Variants in ACP5 observed in about 807,000 individuals in gnomAD.
ACP5 encodes the protein acid phosphatase 5, tartrate resistant, also known as tartrate-resistant acid phosphatase type 5.
ACP5 carries 24 observed loss-of-function variants against 28.7 expected under a neutral mutation model. The ratio of observed to expected loss-of-function variants is 0.84; its 90% CI spans 0.61 to 1.18. The LOEUF is 1.18. ACP5 is among the 50% of genes most tolerant of loss of function. The pLI, the probability that ACP5 is intolerant of heterozygous loss-of-function variation, is 0.00. For synonymous variants in ACP5, 154 were observed against 181.4 expected (o/e 0.85, Z 1.21); for missense variants, 354 against 422.2 (o/e 0.84, Z 1.42).
intron 4 of ACP5, among the ~76,000 whole-genome samples, chr19:11,576,006 C>CAAAAAAAAAAAAAAAAAAAAAAAAAAA (rs3035420): frequency 1.9e-4 from 10 of 52,868 alleles, no homozygotes; most frequent in South Asian, 7.7e-4. Flanking sequence ...ACCTTGTCTC[C>CAAAAAAAAAAAAAAAAAAAAAAAAAAA]AAAAAAAAAA....
chr19:11,576,807 G>A lies in ACP5; in HGVS notation c.298C>T (p.Arg100Cys), dbSNP rs1325584323. The A allele has an allele frequency of 5.6e-6, 9 of 1,613,990 alleles. No homozygotes were observed. Among genetic ancestry groups the A allele is most frequent in the Middle Eastern group, 3.3e-4 (2 of 6,084 alleles). Reference sequence around the variant, plus strand: ...GCTAGCACGTACCAGGGCACTTTGCGAAGGGAGCGGTCAGAGAATACGTCC... The same window carrying A: ...GCTAGCACGTACCAGGGCACTTTGCAAAGGGAGCGGTCAGAGAATACGTCC... ...FEDVFSDRSL[R>C]KVPWYVLAGN... Residue 100 changes from arginine to cysteine, a missense_variant, in exon 3 of 5, where the codon CGC (arginine) becomes TGC (cysteine). Coordinates refer to ENST00000648477, the MANE Select transcript of ACP5 (RefSeq NM_001611.5).
chr19:11,576,377 G>C lies in ACP5; in HGVS notation c.601C>G (p.Leu201Val). ...QLAAAREDYV[L>V]VAGHYPVWSI... is the part of the protein sequence containing the mutation. Reference sequence around the variant, plus strand: ...CACACGGGGTAGTGGCCAGCCACCAGCACGTAGTCCTCCCTGGCCGCCGCC... The same window carrying C: ...CACACGGGGTAGTGGCCAGCCACCACCACGTAGTCCTCCCTGGCCGCCGCC... Residue 201 changes from leucine (L) to valine (V), a missense_variant, in exon 4 of 5, where the codon CTG becomes GTG. Leu to Val is a conservative substitution (Grantham distance 32). Transcript: ENST00000648477. 6.2e-7 allele frequency: 1 copy of C among 1,610,788 alleles called. No homozygotes were observed. Among genetic ancestry groups the C allele is most frequent in the Non-Finnish European group, 8.5e-7 (1 of 1,178,216 alleles).
rs535962234 is a variant in ACP5 at position 11,576,389 on chromosome 19, C to T, written c.589G>A (p.Glu197Lys). 4 of 1,611,632 alleles carry T rather than the reference C, an allele frequency of 2.5e-6. No homozygotes were observed. The South Asian group carries it at 3.3e-5, about 13-fold the overall frequency. Reference sequence around the variant, plus strand: ...TGGCCAGCCACCAGCACGTAGTCCTCCCTGGCCGCCGCCAGCTGTTTCTTG... The same window carrying T: ...TGGCCAGCCACCAGCACGTAGTCCTTCCTGGCCGCCGCCAGCTGTTTCTTG... The part of the protein sequence containing the change: ...WLKKQLAAAR[E>K]DYVLVAGHYP... The change falls in exon 4 of 5, where the codon GAG becomes AAG. Residue 197 changes from glutamate (E) to lysine (K), a missense_variant. Glu to Lys is a moderately conservative substitution (Grantham distance 56, BLOSUM62 1). Coordinates refer to ENST00000648477, the MANE Select transcript of ACP5 (RefSeq NM_001611.5).
chr19:11,578,496 C>T (rs1355392766), upstream of ACP5: 2 of 152,344 alleles, frequency 1.3e-5, no homozygotes, highest in African/African-American at 2.4e-5. Context: ...CCCTCATAGT[C>T]TCAGCAGCTG....
chr19:11,576,281 C>G lies in ACP5; in HGVS notation c.697G>C (p.Val233Leu). 6.2e-7 allele frequency: 1 copy of G among 1,610,078 alleles called. No homozygotes were observed. Among genetic ancestry groups the G allele is most frequent in the Non-Finnish European group, 8.5e-7 (1 of 1,179,978 alleles). ...QLRPLLATYG[V>L]TAYLCGHDHN... Reference sequence around the variant, plus strand: ...TCGTGGCCGCACAGGTAGGCAGTGACCCCGTATGTGGCCAGCAGTGGCCGT... The same window carrying G: ...TCGTGGCCGCACAGGTAGGCAGTGAGCCCGTATGTGGCCAGCAGTGGCCGT... The change falls in exon 4 of 5, where the codon GTC becomes CTC. Residue 233 changes from valine to leucine, a missense_variant. By Grantham distance (32) the Val-to-Leu change is conservative. Transcript: ENST00000648477.
rs1331191684 is a variant in ACP5, at chr19:11,576,227, C to T, written c.735+16G>A. The T allele has an allele frequency of 1.2e-6, 2 of 1,600,826 alleles. No homozygotes were observed. The highest frequency in any genetic ancestry group is 8.5e-7 in the Non-Finnish European group (1 of 1,179,072). On this transcript the variant is annotated intron_variant, in intron 4 of 4. Coordinates refer to ENST00000648477, the MANE Select transcript of ACP5 (RefSeq NM_001611.5). The stretch of plus-strand genomic sequence containing the variant: ...CCCCCCTCACCCAGCTCCCACCCCA[C>T]CCACAGGGCCCTCACCTGCAGATTG...
In ACP5 at chr19:11,576,452, G is replaced by A. The variant is rs1025967277; in HGVS notation, c.526C>T (p.Arg176Ter). ...DFLSQQPERP[R>*]DVKLARTQLS... ...TGTGTGCGGGCCAGCTTCACGTCTC[G>A]GGGCCTCTCAGGCTGCTGGCTGAGG... The change falls in exon 4 of 5, where the codon CGA becomes TGA. Residue 176 changes from arginine (R) to a stop codon, truncating the protein, a stop_gained. Coordinates refer to ENST00000648477, the MANE Select transcript of ACP5 (RefSeq NM_001611.5). LOFTEE classifies it high-confidence loss of function. The A allele has an allele frequency of 4.3e-6, 7 of 1,614,002 alleles. No individual in the cohort carries two copies. The Admixed American group carries it at 8.3e-5, about 19-fold the overall frequency.
chr19:11,575,998 C>T (rs992404611), intron 4 of ACP5, among the ~76,000 whole-genome samples: 9 of 65,784 alleles, frequency 1.4e-4, no homozygotes, highest in Non-Finnish European at 2.5e-4. Context: ...ACAATGAAAC[C>T]TTGTCTCCAA....
chr19:11,576,566 G>A lies in ACP5; in HGVS notation c.412C>T (p.Arg138Cys), dbSNP rs774823139. The A allele has an allele frequency of 2.5e-5, 41 of 1,613,588 alleles. No homozygotes were observed. The Admixed American group carries it at 5.2e-4, about 20-fold the overall frequency. The change falls in exon 4 of 5, where the codon CGC becomes TGC. Residue 138 changes from arginine to cysteine, a missense_variant. By Grantham distance (180) the Arg-to-Cys change is radical (BLOSUM62 -3). Coordinates refer to ENST00000648477, the MANE Select transcript of ACP5 (RefSeq NM_001611.5). Reference sequence around the variant, plus strand: ...GTCTGTGGGATCTTGAAGTGCAGGCGGTAGAAAGGGCTGGGGAAGTTCCTG... The same window carrying A: ...GTCTGTGGGATCTTGAAGTGCAGGCAGTAGAAAGGGCTGGGGAAGTTCCTG... ...KRWNFPSPFYRLHFKIPQTNV... is the reference protein window; with the variant it reads ...KRWNFPSPFYCLHFKIPQTNV...
rs1233979832 is a variant in ACP5, at chr19:11,574,704, A to T, written c.*306T>A. 1 of 463,320 alleles carries T rather than the reference A, an allele frequency of 2.2e-6. No homozygotes were observed. Among genetic ancestry groups the T allele is most frequent in the African/African-American group, 2.0e-5 (1 of 50,584 alleles). The allele number at this position is 463,320 out of a possible 1,614,324, so 28.7% of individuals were successfully genotyped here. A position where few individuals can be genotyped will look rare whatever the true frequency, so the allele number is the denominator to read the frequency against. On this transcript the variant is annotated 3_prime_UTR_variant, in exon 5 of 5. Transcript: ENST00000648477. ...CTTTTATTGAACATCAGTAACAGAAAGATGCTTGATTTAGGAGGAAGCTTT... is the reference window on the plus strand; with the variant it reads ...CTTTTATTGAACATCAGTAACAGAATGATGCTTGATTTAGGAGGAAGCTTT...
Position 11,576,276 on chromosome 19 carries a change from A to C in ACP5, c.702T>G (p.Thr234=). Residue 234 remains threonine (T), a synonymous_variant, in exon 4 of 5, where the codon ACT becomes ACG. Coordinates refer to ENST00000648477, the MANE Select transcript of ACP5 (RefSeq NM_001611.5). ...LRPLLATYGV[T]AYLCGHDHNL... The stretch of plus-strand genomic sequence containing the variant: ...TGTGATCGTGGCCGCACAGGTAGGC[A>C]GTGACCCCGTATGTGGCCAGCAGTG... The C allele has an allele frequency of 6.2e-7, 1 of 1,609,458 alleles. No homozygotes were observed. Among genetic ancestry groups the C allele is most frequent in the African/African-American group, 1.3e-5 (1 of 74,960 alleles).
chr19:11,578,139 G>A (rs1475162532), upstream of ACP5: 1 of 152,598 alleles, frequency 6.6e-6, no homozygotes, highest in Non-Finnish European at 1.5e-5. Flanking sequence ...TGCGAGGCCT[G>A]TGTGGCTTGT....
chr19:11,577,463 A>G lies in ACP5; in HGVS notation c.-1+130T>C. ...CCCTTGGTGCCCTAATTCTCAGGACACACAAGCTGCACAAGGCTGCACAAG... is the reference window on the plus strand; with the variant it reads ...CCCTTGGTGCCCTAATTCTCAGGACGCACAAGCTGCACAAGGCTGCACAAG... On this transcript the variant is annotated intron_variant, in intron 1 of 4. Coordinates refer to ENST00000648477, the MANE Select transcript of ACP5 (RefSeq NM_001611.5). This position sits in a 1 kb window ranked among gnomAD's most constrained non-coding sequence, Gnocchi z 5.7. 1 of 923,922 alleles carries G rather than the reference A, an allele frequency of 1.1e-6. No homozygotes were observed. Among genetic ancestry groups the G allele is most frequent in the South Asian group, 1.4e-5 (1 of 69,376 alleles). 57.2% of individuals were successfully genotyped at this position (923,922 alleles called of 1,614,324 possible).
intron 4 of ACP5, 32 bp from the exon 5 acceptor site, chr19:11,575,284 C>A (rs1210723218): frequency 6.2e-7 from 1 of 1,612,648 alleles, no homozygotes; most frequent in Admixed American, 1.7e-5. Flanking sequence ...TCAGTGGAGA[C>A]CCAGCTTTGA....
chr19:11,575,231 C>T lies in ACP5; in HGVS notation c.757G>A (p.Val253Met), dbSNP rs371116310. Residue 253 changes from valine to methionine, a missense_variant, in exon 5 of 5, where the codon GTG (valine) becomes ATG (methionine). Transcript: ENST00000648477. ...CCAGCCCCACTCAGCACGTAGCCCA[C>T]GCCATTCTCATCTTGCAGGTACTGA... ...NLQYLQDENG[V>M]GYVLSGAGNF... 1.1e-5 allele frequency: 17 copies of T among 1,613,670 alleles called. No homozygotes were observed. The highest frequency in any genetic ancestry group is 6.7e-5 in the African/African-American group (5 of 74,914).
Position 11,576,734 on chromosome 19 carries a change from G to C in ACP5, c.371C>G (p.Ser124Cys), listed in dbSNP as rs1973174151. 1 of 1,613,976 alleles carries C rather than the reference G, an allele frequency of 6.2e-7. No individual in the cohort carries two copies. The highest frequency in any genetic ancestry group is 1.3e-5 in the African/African-American group (1 of 74,908). The change falls in exon 3 of 5, where the codon TCT (serine) becomes TGT (cysteine). Residue 124 changes from serine (S) to cysteine (C), a missense_variant. Coordinates refer to ENST00000648477, the MANE Select transcript of ACP5 (RefSeq NM_001611.5). ...LGNVSAQIAY[S>C]KISKRWNFPS... ...GGCTCACCAGCGCTTGGAGATCTTA[G>C]AGTATGCAATCTGGGCAGAGACATT... is the stretch of plus-strand genomic sequence containing the variant.
chr19:11,576,031 A>T (rs1474251958), intron 4 of ACP5, among the ~76,000 whole-genome samples: 2 of 151,374 alleles, frequency 1.3e-5, no homozygotes, highest in Non-Finnish European at 2.9e-5. Flanking sequence ...AAAAGAGCTT[A>T]AAAAAGAAAG....
At chr19:11,578,391 C>T (rs1973253542), upstream of ACP5, among the ~76,000 whole-genome samples, 1 of 152,152 alleles carries the variant, frequency 6.6e-6, no homozygotes, top group Non-Finnish European at 1.5e-5. Context: ...AAGTCCTGCC[C>T]ACACCCTCCC....
Position 11,576,222 on chromosome 19 carries a change from C to T in ACP5, c.735+21G>A, listed in dbSNP as rs758739987. On this transcript the variant is annotated intron_variant, in intron 4 of 4. Transcript: ENST00000648477. The stretch of plus-strand genomic sequence containing the variant: ...GGGGACCCCCCTCACCCAGCTCCCA[C>T]CCCACCCACAGGGCCCTCACCTGCA... 1.9e-6 allele frequency: 3 copies of T among 1,598,698 alleles called. No individual in the cohort carries two copies. The South Asian group carries it at 3.3e-5, about 18-fold the overall frequency.
Sources: gnomAD v4.1 joint callset for allele counts (sites outside exome capture counted in the v4.1 genomes callset) on GRCh38, gnomAD v4.1.1 for gene constraint, Gnocchi (gnomAD v3.1) non-coding constraint, MANE v1.5 for transcripts, NCBI Gene and HGNC (gene_info 2026-07-23, HGNC 2026-07-21) for gene names.